ACOX2: variants seen among roughly 807,000 people sequenced by gnomAD.
ACOX2 encodes the protein peroxisomal acyl-coenzyme A oxidase 2.
ACOX2 carries 59 observed loss-of-function variants against 77.5 expected under a neutral mutation model. The observed-to-expected ratio is 0.76, with a 90% CI of 0.62 to 0.95. ACOX2 has a LOEUF of 0.95. Ranked by LOEUF, ACOX2 falls within the 40% of genes least tolerant of loss-of-function variation. ACOX2 has a pLI of 0.00. For synonymous variants in ACOX2, 317 were observed against 340.1 expected (o/e 0.93, Z 0.75); for missense variants, 837 against 880.4 (o/e 0.95, Z 0.62).
At chr3:58,530,684 A>C (rs1174795300) in intron 7 of ACOX2, 46 bp from the exon 8 acceptor site, 2 of 1,582,144 alleles carry the variant, frequency 1.3e-6, no homozygotes. Flanking sequence ...AAGGCTTCCC[A>C]GGATGCCCTC....
intron 13 of ACOX2, among the ~76,000 whole-genome samples, chr3:58,516,744 A>G (rs1024998728): frequency 6.6e-6 from 1 of 152,172 alleles, no homozygotes; most frequent in Non-Finnish European, 1.5e-5. Context: ...AGGCTGAAGC[A>G]GGAGAATCAC....
chr3:58,530,306 G>A (rs2063427724), intron 8 of ACOX2, among the ~76,000 whole-genome samples, 160 bp downstream of exon 8: 1 of 152,366 alleles, frequency 6.6e-6, no homozygotes, highest in Non-Finnish European at 1.5e-5. Context: ...GCCCAGATGG[G>A]GCCAGGCTGG....
Position 58,517,389 on chromosome 3 carries a change from G to A in ACOX2, c.1667C>T (p.Thr556Ile). ...ATTTTCTAGTTTCTCCAGAGCTTCT[G>A]TAAAACCCTTCACAGTGACATAGTA... ...HCYYVTVKGF[T>I]EALEKLENEP... Residue 556 changes from threonine to isoleucine, a missense_variant, in exon 13 of 15, where the codon ACA becomes ATA. Coordinates refer to ENST00000302819, the MANE Select transcript of ACOX2 (RefSeq NM_003500.4). The A allele has an allele frequency of 6.2e-7, 1 of 1,614,150 alleles. No homozygotes were observed. The highest frequency in any genetic ancestry group is 8.5e-7 in the Non-Finnish European group (1 of 1,180,018).
chr3:58,521,561 C>T lies in ACOX2; in HGVS notation c.1632+935G>A, dbSNP rs2063358530. Reference sequence around the variant, plus strand: ...CTCATGGTCAGGACCACCCTCAGTCCCGGTTCAGACTTGCTCCTTTCTAAC... The same window carrying T: ...CTCATGGTCAGGACCACCCTCAGTCTCGGTTCAGACTTGCTCCTTTCTAAC... On this transcript the variant is annotated intron_variant, in intron 12 of 14. Transcript: ENST00000302819. This position sits in a 1 kb window ranked among gnomAD's most constrained non-coding sequence, Gnocchi z 4.8. 6.6e-6 allele frequency among the ~76,000 whole-genome samples: 1 copy of T among 152,212 alleles called. No individual in the cohort carries two copies. The highest frequency in any genetic ancestry group is 6.5e-5 in the Admixed American group (1 of 15,288).
chr3:58,531,277 C>G lies in ACOX2; in HGVS notation c.793G>C (p.Glu265Gln), dbSNP rs1577000393. Residue 265 changes from glutamate (E) to glutamine (Q), a missense_variant, in exon 7 of 15, where the codon GAG becomes CAG. Transcript: ENST00000302819. The surrounding 1 kb of genome is among the most constrained non-coding windows in gnomAD (Gnocchi z 5.8). ...LQLNHVRVPR[E>Q]NMLSRFAQVL... ...TGTGCAAAGCGACTCAGCATGTTCT[C>G]CCTGGGGACCCGCACATGGTTCAGC... 1 of 1,613,166 alleles carries G rather than the reference C, an allele frequency of 6.2e-7. No individual in the cohort carries two copies. Among genetic ancestry groups the G allele is most frequent in the East Asian group, 2.2e-5 (1 of 44,868 alleles).
intron 9 of ACOX2, among the ~76,000 whole-genome samples, chr3:58,527,356 T>A (rs1264610422): frequency 6.6e-6 from 1 of 151,884 alleles, no homozygotes; most frequent in Non-Finnish European, 1.5e-5. Context: ...GCCAACATAG[T>A]GAAACCCCGT....
Position 58,531,832 on chromosome 3 carries a change from C to A in ACOX2, c.584-20G>T. On this transcript the variant is annotated intron_variant, in intron 5 of 14. Transcript: ENST00000302819. This position sits in a 1 kb window ranked among gnomAD's most constrained non-coding sequence, Gnocchi z 5.8. ...GTCCCACTGAGGGCAGAGAGAGTAGCGGCCCGTCACAGGAAGACCTGTGCA... is the reference window on the plus strand; with the variant it reads ...GTCCCACTGAGGGCAGAGAGAGTAGAGGCCCGTCACAGGAAGACCTGTGCA... 3 of 1,607,552 alleles carry A rather than the reference C, an allele frequency of 1.9e-6. No homozygotes were observed. The highest frequency in any genetic ancestry group is 2.5e-6 in the Non-Finnish European group (3 of 1,177,280).
chr3:58,533,395 C>T lies in ACOX2; in HGVS notation c.583+50G>A, dbSNP rs372003548. ...AAGCCAGTGCTACTCTGCCCTCCAA[C>T]ATTCTTCTACTTGGGGAGAGTTAAG... On this transcript the variant is annotated intron_variant, in intron 5 of 14. Coordinates refer to ENST00000302819, the MANE Select transcript of ACOX2 (RefSeq NM_003500.4). The surrounding 1 kb of genome is among the most constrained non-coding windows in gnomAD (Gnocchi z 5.6). 9 of 1,536,388 alleles carry T rather than the reference C, an allele frequency of 5.9e-6. No homozygotes were observed. Among genetic ancestry groups the T allele is most frequent in the Non-Finnish European group, 8.1e-6 (9 of 1,111,890 alleles).
chr3:58,508,414 G>T (rs1166791685), intron 14 of ACOX2, among the ~76,000 whole-genome samples: 2 of 152,118 alleles, frequency 1.3e-5, no homozygotes, highest in African/African-American at 4.8e-5. Context: ...AGAGGAGAGG[G>T]TATCATCTCT....
At chr3:58,530,787 T>TC (rs2063432961) in intron 7 of ACOX2, 149 bp from the exon 8 acceptor site, 1 of 1,066,398 alleles carries the variant, frequency 9.4e-7, no homozygotes, top group African/African-American at 1.6e-5. Flanking sequence ...CCAGGCCATT[T>TC]CCCCAAGTGC....
At chr3:58,509,210 G>T (rs529275874) in intron 13 of ACOX2, among the ~76,000 whole-genome samples, 185 bp from the exon 14 acceptor site, 1 of 149,932 alleles carries the variant, frequency 6.7e-6, no homozygotes, top group South Asian at 2.1e-4. Context: ...TGAGTCAAAG[G>T]GTTCCGTAAG....
rs1366721088 is a variant in ACOX2 at position 58,515,595 on chromosome 3, C to T, written c.1850+1611G>A. On this transcript the variant is annotated intron_variant, in intron 13 of 14. Transcript: ENST00000302819. The surrounding 1 kb of genome is among the most constrained non-coding windows in gnomAD (Gnocchi z 4.0). The stretch of plus-strand genomic sequence containing the variant: ...TACAGGTGTGAGCCACTGCTCCCAG[C>T]CTCTTTTTTTCTTTTTATTAGTCTT... 6.6e-6 allele frequency among the ~76,000 whole-genome samples: 1 copy of T among 152,132 alleles called. No individual in the cohort carries two copies. Among genetic ancestry groups the T allele is most frequent in the African/African-American group, 2.4e-5 (1 of 41,428 alleles).
At chr3:58,527,807 A>G (rs1267506494) in intron 9 of ACOX2, among the ~76,000 whole-genome samples, 1 of 151,770 alleles carries the variant, frequency 6.6e-6, no homozygotes, top group African/African-American at 2.4e-5. Context: ...CTCCCACCTC[A>G]GCCTCCAAAG....
chr3:58,530,602 C>G lies in ACOX2; in HGVS notation c.856G>C (p.Ala286Pro). ...ACCATGGGAAGGTAGTTGCTCTGTG[C>G]TGTACCGAGTTTGACGTAGGTGCCA... is the stretch of plus-strand genomic sequence containing the variant. The part of the protein sequence containing the change: ...PDGTYVKLGT[A>P]QSNYLPMVVV... Residue 286 changes from alanine (A) to proline (P), a missense_variant, in exon 8 of 15, where the codon GCA (alanine) becomes CCA (proline). By Grantham distance (27) the Ala-to-Pro change is conservative. Transcript: ENST00000302819. 6.2e-7 allele frequency: 1 copy of G among 1,614,214 alleles called. No homozygotes were observed. Among genetic ancestry groups the G allele is most frequent in the Non-Finnish European group, 8.5e-7 (1 of 1,180,024 alleles).
chr3:58,505,400 A>G lies in ACOX2; in HGVS notation c.1984-114T>C, dbSNP rs138015370. The G allele has an allele frequency of 1.2e-3, 989 of 834,586 alleles. 10 individuals are homozygous for G. In the East Asian group the frequency reaches 0.019, roughly 16 times the overall value. The allele number at this position is 834,586 out of a possible 1,614,324, so 51.7% of individuals were successfully genotyped here. A position where few individuals can be genotyped will look rare whatever the true frequency, so the allele number is the denominator to read the frequency against. The stretch of plus-strand genomic sequence containing the variant: ...AAAGTAACATTACGTAAGATTCTTA[A>G]TTTTAAAAATTATTTCTAAGACTCA... On this transcript the variant is annotated intron_variant, in intron 14 of 14. Transcript: ENST00000302819. This position sits in a 1 kb window ranked among gnomAD's most constrained non-coding sequence, Gnocchi z 4.4.
intron 14 of ACOX2, 135 bp downstream of exon 14, chr3:58,508,758 A>G: frequency 1.7e-6 from 2 of 1,180,466 alleles, no homozygotes; most frequent in Non-Finnish European, 2.3e-6. Flanking sequence ...TTCTCTAAGA[A>G]TATTTTAAAC....
At chr3:58,518,763 G>A (rs2063339502) in intron 12 of ACOX2, among the ~76,000 whole-genome samples, 1 of 150,784 alleles carries the variant, frequency 6.6e-6, no homozygotes, top group Non-Finnish European at 1.5e-5. Flanking sequence ...CTCCTGAGTA[G>A]TTGGGACCAC....
Position 58,533,120 on chromosome 3 carries a change from G to T in ACOX2, c.583+325C>A, listed in dbSNP as rs920959904. 8.5e-5 allele frequency among the ~76,000 whole-genome samples: 13 copies of T among 152,182 alleles called. No homozygotes were observed. The highest frequency in any genetic ancestry group is 1.8e-4 in the Non-Finnish European group (12 of 68,030). On this transcript the variant is annotated intron_variant, in intron 5 of 14. Transcript: ENST00000302819. The surrounding 1 kb of genome is among the most constrained non-coding windows in gnomAD (Gnocchi z 5.6). ...GGGAGATGAGAGGAACCGGGGTTGT[G>T]AGGAGTGCCTAGGACTAGACCAAGT...
Position 58,528,454 on chromosome 3 carries a change from T to A in ACOX2, c.1155+340A>T, listed in dbSNP as rs770133427. Among the ~76,000 whole-genome samples the A allele has an allele frequency of 1.3e-5, 2 of 152,228 alleles. No homozygotes were observed. The highest frequency in any genetic ancestry group is 2.4e-5 in the African/African-American group (1 of 41,448). On this transcript the variant is annotated intron_variant, in intron 9 of 14. Transcript: ENST00000302819. The surrounding 1 kb of genome is among the most constrained non-coding windows in gnomAD (Gnocchi z 5.6). ...ATGTATTCACACTCAGAGGGATAAATCAGGTCAGTTCAGGTCAAACTATGC... is the reference window on the plus strand; with the variant it reads ...ATGTATTCACACTCAGAGGGATAAAACAGGTCAGTTCAGGTCAAACTATGC...
Sources: gnomAD v4.1 joint callset for allele counts (sites outside exome capture counted in the v4.1 genomes callset) on GRCh38, gnomAD v4.1.1 for gene constraint, Gnocchi (gnomAD v3.1) non-coding constraint, MANE v1.5 for transcripts, NCBI Gene and HGNC (gene_info 2026-07-23, HGNC 2026-07-21) for gene names.